The following ERLIN2 variants were observed in gnomAD, a reference collection of about 807,000 sequenced individuals.
ERLIN2 encodes the protein erlin-2.
Under a neutral mutation model 41.5 loss-of-function variants are expected in ERLIN2, and 22 were observed. The observed-to-expected ratio is 0.53, with a 90% CI of 0.38 to 0.76. The LOEUF (loss-of-function observed/expected upper bound fraction) is 0.76. ERLIN2 is among the 30% of genes least tolerant of loss of function. The probability of loss-of-function intolerance (pLI) is 0.00; values close to 1 mark genes in which losing one functional copy is unlikely to be tolerated. For missense variants in ERLIN2, 247 were observed against 414.3 expected (o/e 0.60, Z 3.51); for synonymous variants, 149 against 150.9 (o/e 0.99, Z 0.09).
chr8:37,753,391 T>A, intron 10 of ERLIN2, 59 bp from the exon 11 acceptor site: 3 of 1,434,230 alleles, frequency 2.1e-6, no homozygotes, highest in Non-Finnish European at 2.9e-6. Context: ...CCTCTGCACT[T>A]CCTGCAAAGA....
chr8:37,740,506 A>G, intron 3 of ERLIN2, 60 bp downstream of exon 3: 6 of 1,200,778 alleles, frequency 5.0e-6, no homozygotes, highest in Admixed American at 3.4e-5. Context: ...TAACTAGTGC[A>G]TGATTTGAAA....
chr8:37,748,078 T>TG (rs1174550342), intron 6 of ERLIN2: 2 of 1,248,296 alleles, frequency 1.6e-6, no homozygotes, highest in Non-Finnish European at 1.2e-6. Context: ...GAGCGCGCCT[T>TG]GCGCCTTTTC....
intron 6 of ERLIN2, chr8:37,747,954 C>G (rs1803111343): frequency 1.2e-6 from 2 of 1,614,114 alleles, no homozygotes; most frequent in East Asian, 2.2e-5. Flanking sequence ...CATATTCCTC[C>G]CGGTCCCGAG....
intron 6 of ERLIN2, chr8:37,745,204 A>G: frequency 2.2e-6 from 1 of 448,470 alleles, no homozygotes; most frequent in Non-Finnish European, 3.9e-6. Context: ...GAGGGCCCCC[A>G]GGAATGGGTG....
At position 37,754,629 on chromosome 8, in the gene ERLIN2, T is replaced by C. The variant is rs1346407572; in HGVS notation, c.*514T>C. ...AGAACATTTGACCTTCCTGGCATTC[T>C]TGTCTGCATGTGTGTGAGTTATTTT... is the stretch of plus-strand genomic sequence containing the variant. On this transcript the variant is annotated 3_prime_UTR_variant, in exon 12 of 12. Transcript: ENST00000519638. The C allele has an allele frequency of 1.0e-5, 2 of 200,736 alleles. No individual in the cohort carries two copies. Among genetic ancestry groups the C allele is most frequent in the African/African-American group, 4.7e-5 (2 of 42,906 alleles). The allele number at this position is 200,736 out of a possible 1,614,324, so 12.4% of individuals were successfully genotyped here.
intron 8 of ERLIN2, chr8:37,750,071 C>T (rs1049071876): frequency 2.1e-4 from 137 of 643,008 alleles, no homozygotes; most frequent in Non-Finnish European, 4.5e-5. Context: ...TGTAGAGCAG[C>T]GATGTTTTGA....
In ERLIN2 at chr8:37,756,073, C is replaced by T. The variant is rs1057246979; in HGVS notation, c.*1958C>T. 6.6e-6 allele frequency: 1 copy of T among 152,224 alleles called. No individual in the cohort carries two copies. The highest frequency in any genetic ancestry group is 1.5e-5 in the Non-Finnish European group (1 of 68,140). The allele number at this position is 152,224 out of a possible 1,614,324, so 9.4% of individuals were successfully genotyped here. A position where few individuals can be genotyped will look rare whatever the true frequency, so the allele number is the denominator to read the frequency against. On this transcript the variant is annotated 3_prime_UTR_variant, in exon 12 of 12. Coordinates refer to ENST00000519638, the MANE Select transcript of ERLIN2 (RefSeq NM_007175.8). Reference sequence around the variant, plus strand: ...GCATGGTGTCAGGCACCTGTAATCCCAGCTACTTGGGAGGCTGAGGCAGGA... The same window carrying T: ...GCATGGTGTCAGGCACCTGTAATCCTAGCTACTTGGGAGGCTGAGGCAGGA...
At chr8:37,748,613 G>A (rs1051835206) in intron 6 of ERLIN2, among the ~76,000 whole-genome samples, 19 of 152,182 alleles carry the variant, frequency 1.2e-4, no homozygotes, top group African/African-American at 3.9e-4. Context: ...CTTCCTCAGA[G>A]GCTCTTATTT....
chr8:37,743,296 T>C (rs1218927242), intron 4 of ERLIN2, among the ~76,000 whole-genome samples: 1 of 152,214 alleles, frequency 6.6e-6, no homozygotes, highest in African/African-American at 2.4e-5. Flanking sequence ...GGGACTAAAA[T>C]AATAGATATT....
chr8:37,743,896 A>C lies in ERLIN2; in HGVS notation c.237-459A>C, dbSNP rs151286429. On this transcript the variant is annotated intron_variant, in intron 4 of 11. Coordinates refer to ENST00000519638, the MANE Select transcript of ERLIN2 (RefSeq NM_007175.8). ...GTTATACTACTCTTTCGGCTTCTCTATGTTTGAAATCTTTTTATAATAAAT... is the reference window on the plus strand; with the variant it reads ...GTTATACTACTCTTTCGGCTTCTCTCTGTTTGAAATCTTTTTATAATAAAT... 9.4e-3 allele frequency among the ~76,000 whole-genome samples: 1,437 copies of C among 152,276 alleles called. 13 individuals are homozygous for C. Among genetic ancestry groups the C allele is most frequent in the Middle Eastern group, 0.024 (7 of 294 alleles).
At chr8:37,742,849 A>C (rs1237436125) in intron 4 of ERLIN2, among the ~76,000 whole-genome samples, 1 of 152,252 alleles carries the variant, frequency 6.6e-6, no homozygotes, top group East Asian at 1.9e-4. Flanking sequence ...AACGTTAAAA[A>C]CAAAAAAAGA....
intron 1 of ERLIN2, 55 bp from the exon 2 acceptor site, chr8:37,737,853 T>C: frequency 6.2e-7 from 1 of 1,610,526 alleles, no homozygotes; most frequent in Non-Finnish European, 8.5e-7. Flanking sequence ...CTCGCTGTTG[T>C]GGCCTTTTCT....
rs1393816662 is a variant in ERLIN2, at chr8:37,744,639, G to T, written c.367G>T (p.Glu123Ter). The T allele has an allele frequency of 2.5e-6, 4 of 1,614,050 alleles. No homozygotes were observed. In the Admixed American group the frequency reaches 6.7e-5, roughly 27 times the overall value. The part of the protein sequence containing the change: ...KALIFNKIHH[E>*]LNQFCSVHTL... ...CCTCATCTTCAACAAGATCCACCAC[G>T]AACTGAACCAGTTCTGCAGTGTGCA... Residue 123 changes from glutamate to a stop codon, truncating the protein, a stop_gained, in exon 6 of 12, where the codon GAA becomes TAA. Transcript: ENST00000519638. LOFTEE classifies it high-confidence loss of function.
In ERLIN2 at chr8:37,756,081, T is replaced by C. The variant is rs1359194000; in HGVS notation, c.*1966T>C. ...TCAGGCACCTGTAATCCCAGCTACT[T>C]GGGAGGCTGAGGCAGGAGAATTGCT... On this transcript the variant is annotated 3_prime_UTR_variant, in exon 12 of 12. Transcript: ENST00000519638. 1 of 152,260 alleles carries C rather than the reference T, an allele frequency of 6.6e-6. No individual in the cohort carries two copies. Among genetic ancestry groups the C allele is most frequent in the Non-Finnish European group, 1.5e-5 (1 of 68,118 alleles). 9.4% of individuals were successfully genotyped at this position (152,260 alleles called of 1,614,324 possible).
chr8:37,749,629 T>C lies in ERLIN2; in HGVS notation c.495T>C (p.Ile165=), dbSNP rs1312448825. ...CCTCCATGGCCCCTGGGCTGGTCAT[T>C]CAAGTAAGCATTGCTGCATGGGAGC... The part of the protein sequence containing the change: ...DLTSMAPGLV[I]QAVRVTKPNI... Residue 165 remains isoleucine, a synonymous_variant, in exon 7 of 12, where the codon ATT becomes ATC. Transcript: ENST00000519638. The C allele has an allele frequency of 6.2e-7, 1 of 1,612,284 alleles. No individual in the cohort carries two copies. The highest frequency in any genetic ancestry group is 1.3e-5 in the African/African-American group (1 of 74,898).
At position 37,749,445 on chromosome 8, in the gene ERLIN2, C is replaced by T. The variant is rs76072395; in HGVS notation, c.425-114C>T. On this transcript the variant is annotated intron_variant, in intron 6 of 11. Coordinates refer to ENST00000519638, the MANE Select transcript of ERLIN2 (RefSeq NM_007175.8). Reference sequence around the variant, plus strand: ...TTTGTGGGCTTTGATAAGCACACTCCCTTGGGAAAGTACATTCTTGAGCTG... The same window carrying T: ...TTTGTGGGCTTTGATAAGCACACTCTCTTGGGAAAGTACATTCTTGAGCTG... 7,598 of 789,192 alleles carry T rather than the reference C, an allele frequency of 9.6e-3. 56 individuals are homozygous for T. The highest frequency in any genetic ancestry group is 0.013 in the Non-Finnish European group (5,963 of 446,164). The allele number at this position is 789,192 out of a possible 1,614,324, so 48.9% of individuals were successfully genotyped here.
chr8:37,751,540 C>T (rs1803217874), intron 9 of ERLIN2, 86 bp from the exon 10 acceptor site: 1 of 1,167,484 alleles, frequency 8.6e-7, no homozygotes, highest in African/African-American at 1.5e-5. Context: ...ACAAGCTGGC[C>T]CACCAGGACA....
intron 6 of ERLIN2, chr8:37,745,635 C>T: frequency 1.2e-6 from 2 of 1,613,948 alleles, no homozygotes; most frequent in Non-Finnish European, 1.7e-6. Flanking sequence ...TTTTTCATAG[C>T]AGACAGGAGG....
intron 2 of ERLIN2, among the ~76,000 whole-genome samples, chr8:37,739,818 T>TA (rs1369017248): frequency 2.0e-5 from 3 of 151,802 alleles, no homozygotes; most frequent in African/African-American, 7.3e-5. Flanking sequence ...TTTTCTTTTT[T>TA]TTTTTTAGAC....
Sources: allele counts gnomAD v4.1 joint callset (sites outside exome capture counted in the v4.1 genomes callset), GRCh38; gene constraint gnomAD v4.1.1; transcripts MANE v1.5; gene names NCBI Gene and HGNC (gene_info 2026-07-23, HGNC 2026-07-21).